The following GPR50 variants were observed in gnomAD, a reference collection of about 807,000 sequenced individuals.
The protein encoded by GPR50 is melatonin-related receptor.
In GPR50, 1 loss-of-function variant was observed where a neutral mutation model predicts 2.6. That is an observed-to-expected ratio of 0.38 (90% CI 0.13 to 1.79). The LOEUF (loss-of-function observed/expected upper bound fraction) is 1.79. GPR50 is among the 40% of genes most tolerant of loss of function. The probability of loss-of-function intolerance (pLI) is 0.33; values close to 1 mark genes in which losing one functional copy is unlikely to be tolerated. For synonymous variants in GPR50, 233 were observed against 202.3 expected (o/e 1.15, Z -1.29); for missense variants, 535 against 522.1 (o/e 1.02, Z -0.24).
chrX:151,179,770 G>C lies in GPR50; in HGVS notation c.188-1G>C. The C allele has an allele frequency of 8.7e-7, 1 of 1,148,823 alleles. No individual in the cohort carries two copies. The highest frequency in any genetic ancestry group is 3.0e-5 in the East Asian group (1 of 33,273). 94.7% of individuals were successfully genotyped at this position (1,148,823 alleles called of 1,213,427 possible). A position where few individuals can be genotyped will look rare whatever the true frequency, so the allele number is the denominator to read the frequency against. ...TCTCCCTCCCTCGATATGTTTTTCAGGCAACATCTTCGTGGTCAGTCTCTC... is the reference window on the plus strand; with the variant it reads ...TCTCCCTCCCTCGATATGTTTTTCACGCAACATCTTCGTGGTCAGTCTCTC... On this transcript the variant is annotated splice_acceptor_variant, in intron 1 of 1. Coordinates refer to ENST00000218316, the MANE Select transcript of GPR50 (RefSeq NM_004224.3). LOFTEE classifies it high-confidence loss of function.
intron 1 of GPR50, chrX:151,177,562 CAG>C (rs1380544456): frequency 8.9e-6 from 1 of 112,651 alleles, no homozygotes; most frequent in African/African-American, 3.2e-5. Flanking sequence ...GGGCGAACGG[CAG>C]AGAGAGGCAA....
At chrX:151,179,648 G>T in intron 1 of GPR50, 123 bp from the exon 2 acceptor site, 1 of 479,273 alleles carries the variant, frequency 2.1e-6, no homozygotes. Context: ...AAGAATTCTG[G>T]AATTATAAAA....
chrX:151,179,795 C>G lies in GPR50; in HGVS notation c.212C>G (p.Ser71Cys). 1 of 1,187,219 alleles carries G rather than the reference C, an allele frequency of 8.4e-7. No homozygotes were observed. Among genetic ancestry groups the G allele is most frequent in the Non-Finnish European group, 1.1e-6 (1 of 879,861 alleles). ...GGCAACATCTTCGTGGTCAGTCTCT[C>G]TGTGGCCGATATGCTGGTGGCCATC... The part of the protein sequence containing the change: ...NSGNIFVVSL[S>C]VADMLVAIYP... The change falls in exon 2 of 2, where the codon TCT (serine) becomes TGT (cysteine). Residue 71 changes from serine (S) to cysteine (C), a missense_variant. Transcript: ENST00000218316.
In GPR50 at chrX:151,180,090, C is replaced by T. The variant is rs372919679; in HGVS notation, c.507C>T (p.Ile169=). ...TGCCCAACATGTACATTGGCACCAT[C>T]GAGTACGATCCTCGCACCTACACCT... The part of the protein sequence containing the change: ...AVLPNMYIGT[I]EYDPRTYTCI... Residue 169 remains isoleucine, a synonymous_variant, in exon 2 of 2, where the codon ATC becomes ATT. Transcript: ENST00000218316. 3.8e-5 allele frequency: 46 copies of T among 1,208,397 alleles called. No individual in the cohort carries two copies. In the East Asian group the frequency reaches 1.1e-3, roughly 28 times the overall value.
intron 1 of GPR50, among the ~76,000 whole-genome samples, chrX:151,179,019 T>G (rs866970158): frequency 3.6e-5 from 4 of 111,080 alleles, no homozygotes; most frequent in Non-Finnish European, 7.6e-5. Context: ...CAGGCACTTC[T>G]GCTAATCCTT....
Position 151,180,270 on chromosome X carries a change from A to C in GPR50, c.687A>C (p.Gln229His). 1.7e-6 allele frequency: 2 copies of C among 1,207,762 alleles called. No homozygotes were observed. The highest frequency in any genetic ancestry group is 2.2e-6 in the Non-Finnish European group (2 of 895,008). The change falls in exon 2 of 2, where the codon CAA becomes CAC. Residue 229 changes from glutamine (Q) to histidine (H), a missense_variant. Coordinates refer to ENST00000218316, the MANE Select transcript of GPR50 (RefSeq NM_004224.3). The stretch of plus-strand genomic sequence containing the variant: ...CTGCAGGGCAGAATCCTGACAACCA[A>C]CTTGCTGAGGTTCGCAATTTTCTAA... ...RDPAGQNPDN[Q>H]LAEVRNFLTM...
At chrX:151,178,060 G>A (rs1602726808) in intron 1 of GPR50, among the ~76,000 whole-genome samples, 1 of 110,636 alleles carries the variant, frequency 9.0e-6, no homozygotes, top group African/African-American at 3.3e-5. Flanking sequence ...CAGGCCGGGG[G>A]AGGGAGGGGC....
At chrX:151,178,404 C>G (rs751676643) in intron 1 of GPR50, among the ~76,000 whole-genome samples, 1 of 112,931 alleles carries the variant, frequency 8.9e-6, no homozygotes, top group East Asian at 2.8e-4. Flanking sequence ...TGCAAACCCA[C>G]GGAATCCTGG....
chrX:151,177,380 A>C (rs761583076), intron 1 of GPR50: 1 of 113,645 alleles, frequency 8.8e-6, no homozygotes, highest in African/African-American at 3.2e-5. Flanking sequence ...CCCTTACCAG[A>C]GCGCAACGCA....
At position 151,180,680 on chromosome X, in the gene GPR50, G is replaced by A. The variant is rs372169533; in HGVS notation, c.1097G>A (p.Arg366Gln). 3.1e-5 allele frequency: 37 copies of A among 1,209,475 alleles called. No homozygotes were observed. The highest frequency in any genetic ancestry group is 6.6e-5 in the Admixed American group (3 of 45,786). Residue 366 changes from arginine (R) to glutamine (Q), a missense_variant, in exon 2 of 2, where the codon CGG becomes CAG. Transcript: ENST00000218316. Reference protein sequence around the residue: ...PAVEETPMNVRNVPLPGDAAA... With the variant: ...PAVEETPMNVQNVPLPGDAAA... ...GTGGAGGAAACCCCGATGAATGTCC[G>A]GAATGTTCCATTACCTGGTGATGCT...
rs761941811 is a variant in GPR50, at chrX:151,178,425, C to A, written c.188-1346C>A. On this transcript the variant is annotated intron_variant, in intron 1 of 1. Transcript: ENST00000218316. ...CCCACGGAATCCTGGGGGCGACCTG[C>A]GAAGCCCATTTTATTCCCTTTAGAT... is the stretch of plus-strand genomic sequence containing the variant. 2.7e-5 allele frequency among the ~76,000 whole-genome samples: 3 copies of A among 112,816 alleles called. No individual in the cohort carries two copies. In the East Asian group the frequency reaches 8.4e-4, roughly 32 times the overall value.
Position 151,181,359 on chromosome X carries a change from A to C in GPR50, c.1776A>C (p.Val592=), listed in dbSNP as rs776869695. Residue 592 remains valine (V), a synonymous_variant, in exon 2 of 2, where the codon GTA becomes GTC. Coordinates refer to ENST00000218316, the MANE Select transcript of GPR50 (RefSeq NM_004224.3). ...TCGCTGACCTTCCTGACCCTACTGT[A>C]GTCACTACCAGTACCAATGATTACC... ...DTIADLPDPT[V]VTTSTNDYHD... 8.4e-6 allele frequency: 10 copies of C among 1,188,978 alleles called. No homozygotes were observed. The highest frequency in any genetic ancestry group is 4.6e-4 in the Middle Eastern group (2 of 4,307).
intron 1 of GPR50, 46 bp downstream of exon 1, chrX:151,176,954 A>G (rs2048683267): frequency 2.1e-6 from 2 of 934,973 alleles, no homozygotes; most frequent in Non-Finnish European, 3.0e-6. Context: ...GAGACTTGCA[A>G]CCCCTAGGGC....
Position 151,180,768 on chromosome X carries a change from C to T in GPR50, c.1185C>T (p.Ala395=), listed in dbSNP as rs762502530. ...HPKPHSRSSS[A]YRKSASTHHK... is the part of the protein sequence containing the mutation. ...AGCCCCATTCCAGATCCTCCTCTGC[C>T]TATCGCAAATCTGCCTCTACCCACC... The change falls in exon 2 of 2, where the codon GCC becomes GCT. Residue 395 remains alanine (A), a synonymous_variant. Coordinates refer to ENST00000218316, the MANE Select transcript of GPR50 (RefSeq NM_004224.3). 1.4e-5 allele frequency: 17 copies of T among 1,207,966 alleles called. No homozygotes were observed. The highest frequency in any genetic ancestry group is 1.9e-5 in the Non-Finnish European group (17 of 894,382).
chrX:151,181,032 T>C lies in GPR50; in HGVS notation c.1449T>C (p.Ser483=). ...NPKPITGHHV[S]AGSHSKSAFS... ...AGCCCATCACTGGCCACCATGTCTCTGCTGGCAGCCACTCCAAGTCTGCCT... is the reference window on the plus strand; with the variant it reads ...AGCCCATCACTGGCCACCATGTCTCCGCTGGCAGCCACTCCAAGTCTGCCT... Residue 483 remains serine, a synonymous_variant, in exon 2 of 2, where the codon TCT becomes TCC. Coordinates refer to ENST00000218316, the MANE Select transcript of GPR50 (RefSeq NM_004224.3). 8.3e-7 allele frequency: 1 copy of C among 1,211,632 alleles called. No homozygotes were observed. Among genetic ancestry groups the C allele is most frequent in the Non-Finnish European group, 1.1e-6 (1 of 895,399 alleles).
chrX:151,180,175 G>C lies in GPR50; in HGVS notation c.592G>C (p.Val198Leu), dbSNP rs770934441. Residue 198 changes from valine (V) to leucine (L), a missense_variant, in exon 2 of 2, where the codon GTC (valine) becomes CTC (leucine). Transcript: ENST00000218316. ...TGTTACCATCGTCTGCATCCACTTCGTCCTCCCTCTCCTCATCGTGGGTTT... is the reference window on the plus strand; with the variant it reads ...TGTTACCATCGTCTGCATCCACTTCCTCCTCCCTCTCCTCATCGTGGGTTT... ...FTVTIVCIHF[V>L]LPLLIVGFCY... is the part of the protein sequence containing the mutation. 6 of 1,205,981 alleles carry C rather than the reference G, an allele frequency of 5.0e-6. No homozygotes were observed. Among genetic ancestry groups the C allele is most frequent in the Non-Finnish European group, 6.7e-6 (6 of 895,167 alleles).
In GPR50 at chrX:151,180,703, G is replaced by A. The variant is rs750380397; in HGVS notation, c.1120G>A (p.Ala374Thr). 1.3e-5 allele frequency: 16 copies of A among 1,211,323 alleles called. No individual in the cohort carries two copies. The highest frequency in any genetic ancestry group is 1.8e-5 in the Non-Finnish European group (16 of 895,336). The change falls in exon 2 of 2, where the codon GCT becomes ACT. Residue 374 changes from alanine (A) to threonine (T), a missense_variant. Coordinates refer to ENST00000218316, the MANE Select transcript of GPR50 (RefSeq NM_004224.3). Reference sequence around the variant, plus strand: ...CCGGAATGTTCCATTACCTGGTGATGCTGCAGCTGGCCACCCCGACCGTGC... The same window carrying A: ...CCGGAATGTTCCATTACCTGGTGATACTGCAGCTGGCCACCCCGACCGTGC... The part of the protein sequence containing the change: ...NVRNVPLPGD[A>T]AAGHPDRASG...
At position 151,181,389 on chromosome X, in the gene GPR50, TGTC is replaced by T; in HGVS notation, c.1809_1811del (p.Val605del). On this transcript the variant is annotated inframe_deletion, in exon 2 of 2. Coordinates refer to ENST00000218316, the MANE Select transcript of GPR50 (RefSeq NM_004224.3). ...CTACCAGTACCAATGATTACCATGA[TGTC>T]GTGGTTATTGATGTTGAAGATGATC... is the stretch of plus-strand genomic sequence containing the variant. 1 of 1,190,541 alleles carries T rather than the reference TGTC, an allele frequency of 8.4e-7. No individual in the cohort carries two copies. Among genetic ancestry groups the T allele is most frequent in the Non-Finnish European group, 1.1e-6 (1 of 881,559 alleles).
intron 1 of GPR50, chrX:151,177,293 C>T (rs769688412): frequency 7.7e-6 from 1 of 130,623 alleles, no homozygotes; most frequent in South Asian, 3.3e-4. Flanking sequence ...TGAGGCAGCG[C>T]GGACCGAACT....
Sources: gnomAD v4.1 joint callset for allele counts (sites outside exome capture counted in the v4.1 genomes callset) on GRCh38, gnomAD v4.1.1 for gene constraint, MANE v1.5 for transcripts, NCBI Gene and HGNC (gene_info 2026-07-23, HGNC 2026-07-21) for gene names.